Variants in BCAP29 observed in about 807,000 individuals in gnomAD.
BCAP29 encodes the protein B-cell receptor-associated protein 29.
Under a neutral mutation model 31.8 loss-of-function variants are expected in BCAP29, and 34 were observed. The observed-to-expected ratio is 1.07, with a 90% CI of 0.81 to 1.42. The LOEUF is 1.42. BCAP29 is among the 40% of genes most tolerant of loss of function. BCAP29 has a pLI of 0.00. For missense variants in BCAP29, 314 were observed against 269.2 expected, an observed-to-expected ratio of 1.17 and a Z score of -1.16; for synonymous variants, 104 against 91.3, an observed-to-expected ratio of 1.14 and a Z score of -0.79.
intron 6 of BCAP29, among the ~76,000 whole-genome samples, chr7:107,608,286 A>G (rs886196823): frequency 2.0e-5 from 3 of 151,816 alleles, no homozygotes; most frequent in African/African-American, 7.2e-5. Context: ...TTCTACACAG[A>G]TTTGTCTGTT....
intron 5 of BCAP29, among the ~76,000 whole-genome samples, chr7:107,598,973 A>C (rs989213070): frequency 7.5e-6 from 1 of 133,582 alleles, no homozygotes; most frequent in Non-Finnish European, 1.6e-5. Context: ...ATAAATTTAT[A>C]TATCTATAAA....
intron 3 of BCAP29, 87 bp from the exon 4 acceptor site, chr7:107,593,868 G>T: frequency 7.6e-7 from 1 of 1,315,270 alleles, no homozygotes; most frequent in South Asian, 1.6e-5. Flanking sequence ...TTAAAAGTTT[G>T]GTCAGTTTTT....
intron 6 of BCAP29, among the ~76,000 whole-genome samples, chr7:107,606,468 G>C (rs1161736795): frequency 6.6e-6 from 1 of 152,138 alleles, no homozygotes; most frequent in Non-Finnish European, 1.5e-5. Flanking sequence ...AGGTGATTAA[G>C]CCACATTCTT....
At chr7:107,615,786 A>G (rs759958620) in intron 7 of BCAP29, 5 of 172,886 alleles carry the variant, frequency 2.9e-5, no homozygotes, top group Non-Finnish European at 6.3e-5. Flanking sequence ...AATAGATGTC[A>G]TTTGTTGAGA....
intron 7 of BCAP29, chr7:107,615,377 C>T (rs1264733793): frequency 2.0e-5 from 9 of 455,380 alleles, no homozygotes; most frequent in Non-Finnish European, 4.0e-5. Flanking sequence ...CTGAGGCGGG[C>T]GGATCATGGG....
At chr7:107,600,086 CATTA>C (rs1215848139) in intron 5 of BCAP29, 6 of 335,240 alleles carry the variant, frequency 1.8e-5, no homozygotes, top group African/African-American at 6.4e-5. Context: ...TTACATTTCT[CATTA>C]ATTGAGGAAG....
chr7:107,588,611 A>G (rs1195998952), intron 3 of BCAP29, among the ~76,000 whole-genome samples: 3 of 152,324 alleles, frequency 2.0e-5, no homozygotes, highest in Admixed American at 1.3e-4. Context: ...AAAAGAAGGG[A>G]ATCATACTGG....
In BCAP29 at chr7:107,600,469, G is replaced by T; in HGVS notation, c.553G>T (p.Glu185Ter). ...AAATAAAAAACTAGTAGAAGACCAG[G>T]AGAAACTGAAAACTGAATTAAGGAA... ...AENKKLVEDQ[E>*]KLKTELRKTS... The change falls in exon 6 of 8, where the codon GAG (glutamate) becomes TAG (stop). Residue 185 changes from glutamate to a stop codon, truncating the protein, a stop_gained. Transcript: ENST00000005259. LOFTEE classifies it high-confidence loss of function. The T allele has an allele frequency of 6.2e-7, 1 of 1,609,544 alleles. No individual in the cohort carries two copies. The highest frequency in any genetic ancestry group is 2.2e-5 in the East Asian group (1 of 44,666).
At chr7:107,594,266 G>A (rs1405307179) in intron 4 of BCAP29, 161 bp downstream of exon 4, 2 of 625,012 alleles carry the variant, frequency 3.2e-6, no homozygotes, top group Admixed American at 3.0e-5. Context: ...ATAGCTCACT[G>A]TAACTTCAAA....
intron 2 of BCAP29, 74 bp from the exon 3 acceptor site, chr7:107,583,798 TAAAATGTTAC>T: frequency 1.7e-6 from 1 of 590,558 alleles, no homozygotes; most frequent in Non-Finnish European, 2.8e-6. Flanking sequence ...ACACAATTAC[TAAAATGTTAC>T]TTCAGTATTT....
At chr7:107,603,115 G>A (rs1052891619) in intron 6 of BCAP29, among the ~76,000 whole-genome samples, 8 of 151,610 alleles carry the variant, frequency 5.3e-5, no homozygotes, top group South Asian at 2.1e-4. Context: ...GACTACAGGC[G>A]CCTGCCGCCA....
At chr7:107,612,416 TATATATATA>T (rs1813338232) in intron 6 of BCAP29, among the ~76,000 whole-genome samples, 1 of 46,228 alleles carries the variant, frequency 2.2e-5, no homozygotes, top group African/African-American at 5.1e-5. Flanking sequence ...TATATATATA[TATATATATA>T]TATATATATA....
rs536847991 is a variant in BCAP29, at chr7:107,585,473, G to T, written c.193+1491G>T. On this transcript the variant is annotated intron_variant, in intron 3 of 7. Coordinates refer to ENST00000005259, the MANE Select transcript of BCAP29 (RefSeq NM_018844.4). ...CAGTAAAGAACAATAAGGAAAACCG[G>T]TTCCAGTTCTGCCACCAGCTAACTA... Among the ~76,000 whole-genome samples, 3 of 152,296 alleles carry T rather than the reference G, an allele frequency of 2.0e-5. No individual in the cohort carries two copies. In the East Asian group the frequency reaches 5.8e-4, roughly 29 times the overall value.
intron 2 of BCAP29, among the ~76,000 whole-genome samples, chr7:107,582,411 A>G (rs1806860032): frequency 6.6e-6 from 1 of 152,234 alleles, no homozygotes; most frequent in Non-Finnish European, 1.5e-5. Context: ...GTGTGTATCC[A>G]CATCTTTTTA....
At chr7:107,607,233 C>T (rs1395588906) in intron 6 of BCAP29, among the ~76,000 whole-genome samples, 2 of 152,196 alleles carry the variant, frequency 1.3e-5, no homozygotes, top group Non-Finnish European at 2.9e-5. Context: ...AGAAGAATCG[C>T]TTGAGCCTGG....
intron 3 of BCAP29, chr7:107,587,579 A>G (rs903676770): frequency 7.9e-5 from 12 of 152,122 alleles, no homozygotes; most frequent in African/African-American, 2.9e-4. Flanking sequence ...TGCTCTTACT[A>G]TATTATTGAG....
At chr7:107,607,648 T>C (rs1812353684) in intron 6 of BCAP29, among the ~76,000 whole-genome samples, 1 of 150,118 alleles carries the variant, frequency 6.7e-6, no homozygotes, top group Non-Finnish European at 1.5e-5. Context: ...TTTTTTTTTT[T>C]TTTTCCGAGA....
At chr7:107,610,228 C>T (rs959815304) in intron 6 of BCAP29, among the ~76,000 whole-genome samples, 2 of 152,158 alleles carry the variant, frequency 1.3e-5, no homozygotes, top group Non-Finnish European at 2.9e-5. Flanking sequence ...ACATAACAGT[C>T]TCTTATTGAA....
chr7:107,616,650 T>A (rs897770420), intron 7 of BCAP29, among the ~76,000 whole-genome samples: 2 of 152,196 alleles, frequency 1.3e-5, no homozygotes, highest in African/African-American at 4.8e-5. Flanking sequence ...TTACATTTTT[T>A]TCCTTCACCT....
Sources: gnomAD v4.1 joint callset for allele counts (sites outside exome capture counted in the v4.1 genomes callset) on GRCh38, gnomAD v4.1.1 for gene constraint, MANE v1.5 for transcripts, NCBI Gene and HGNC (gene_info 2026-07-23, HGNC 2026-07-21) for gene names.